CUX1: variants seen among roughly 807,000 people sequenced by gnomAD.
CUX1 encodes protein CASP.
CUX1 carries 31 observed loss-of-function variants against 158.8 expected under a neutral mutation model. That is an observed-to-expected ratio of 0.20 (90% confidence interval 0.15 to 0.26). The LOEUF is 0.26. CUX1 is among the 10% of genes least tolerant of loss of function. The probability of loss-of-function intolerance (pLI) is 1.00; values close to 1 mark genes in which losing one functional copy is unlikely to be tolerated. For synonymous variants in CUX1, 879 were observed against 862.1 expected, an observed-to-expected ratio of 1.02 and a Z score of -0.34; for missense variants, 1,589 against 2,014.6, an observed-to-expected ratio of 0.79 and a Z score of 4.04.
chr7:101,984,090 ATATATATATATATATATAT>A (rs1363186955), intron 2 of CUX1, among the ~76,000 whole-genome samples: 1 of 35,008 alleles, frequency 2.9e-5, no homozygotes, highest in Non-Finnish European at 5.0e-5. Context: ...AAAAAAAAAA[ATATATATATATATATATAT>A]ATATATATAT....
chr7:102,201,152 C>T lies in CUX1; in HGVS notation c.2063-208C>T, dbSNP rs545871835. Among the ~76,000 whole-genome samples, 3 of 151,844 alleles carry T rather than the reference C, an allele frequency of 2.0e-5. No homozygotes were observed. In the South Asian group the frequency reaches 6.2e-4, roughly 32 times the overall value. On this transcript the variant is annotated intron_variant, in intron 17 of 23. Coordinates refer to ENST00000292535, the MANE Select transcript of CUX1 (RefSeq NM_181552.4). This position sits in a 1 kb window ranked among gnomAD's most constrained non-coding sequence, Gnocchi z 5.0. ...CATCTGTGTGTATACCAAAGGCCACCAGGTCATCAAGCTGTAGTGTCAGGC... is the reference window on the plus strand; with the variant it reads ...CATCTGTGTGTATACCAAAGGCCACTAGGTCATCAAGCTGTAGTGTCAGGC...
intron 2 of CUX1, among the ~76,000 whole-genome samples, chr7:101,940,377 A>AC (rs1807560061): frequency 1.3e-5 from 2 of 151,790 alleles, no homozygotes; most frequent in Non-Finnish European, 2.9e-5. Flanking sequence ...GAAGTCCCTG[A>AC]CCCCCGCTGG....
At chr7:102,046,725 C>T (rs1822862331) in intron 3 of CUX1, among the ~76,000 whole-genome samples, 1 of 151,946 alleles carries the variant, frequency 6.6e-6, no homozygotes, top group African/African-American at 2.4e-5. Flanking sequence ...TACAGGTACA[C>T]ACCACTACAC....
At chr7:101,863,799 A>G (rs139128246) in intron 1 of CUX1, among the ~76,000 whole-genome samples, 266 of 152,306 alleles carry the variant, frequency 1.7e-3, no homozygotes, top group African/African-American at 6.2e-3. Flanking sequence ...GGAATCATAC[A>G]GTATTGTCTT....
At position 102,178,589 on chromosome 7, in the gene CUX1, C is replaced by T. The variant is rs782312716; in HGVS notation, c.949C>T (p.Arg317Trp). ...ACTCCAGGCCAGCCTCACCAAGCTG[C>T]GGGAGAATTCGGCCAGCCAGATCTC... ...QRLQASLTKL[R>W]ENSASQISQL... Residue 317 changes from arginine (R) to tryptophan (W), a missense_variant, in exon 11 of 24, where the codon CGG becomes TGG. Arg to Trp is a moderately radical substitution (Grantham distance 101). Transcript: ENST00000292535. 7 of 1,611,350 alleles carry T rather than the reference C, an allele frequency of 4.3e-6. No individual in the cohort carries two copies. Among genetic ancestry groups the T allele is most frequent in the African/African-American group, 1.3e-5 (1 of 74,866 alleles).
chr7:102,204,716 G>A (rs782467143), intron 19 of CUX1, among the ~76,000 whole-genome samples, 160 bp downstream of exon 19: 3 of 152,242 alleles, frequency 2.0e-5, no homozygotes, highest in Non-Finnish European at 4.4e-5. Flanking sequence ...GGACAGAACC[G>A]TCCCCTTCCT....
At chr7:101,970,484 C>T (rs1811817491) in intron 2 of CUX1, among the ~76,000 whole-genome samples, 1 of 152,180 alleles carries the variant, frequency 6.6e-6, no homozygotes, top group East Asian at 1.9e-4. Context: ...GATTGCAGAA[C>T]CTGAGCTCGA....
intron 16 of CUX1, chr7:102,275,218 C>A: frequency 6.5e-7 from 1 of 1,547,454 alleles, no homozygotes; most frequent in Non-Finnish European, 8.8e-7. Flanking sequence ...CTCCTGCCAC[C>A]CCCCAAGCCA....
intron 5 of CUX1, among the ~76,000 whole-genome samples, chr7:102,099,777 G>A (rs1334641823): frequency 2.6e-5 from 4 of 151,992 alleles, no homozygotes; most frequent in African/African-American, 9.7e-5. Flanking sequence ...TTTTGTTGGA[G>A]GGTGGTGCAG....
At position 101,842,941 on chromosome 7, in the gene CUX1, C is replaced by T. The variant is rs190390459; in HGVS notation, c.30+25272C>T. 1.9e-4 allele frequency among the ~76,000 whole-genome samples: 28 copies of T among 144,494 alleles called. No homozygotes were observed. In the East Asian group the frequency reaches 2.4e-3, roughly 12 times the overall value. 94.8% of individuals were successfully genotyped at this position (144,494 alleles called of 152,430 possible). On this transcript the variant is annotated intron_variant, in intron 1 of 23. Coordinates refer to ENST00000292535, the MANE Select transcript of CUX1 (RefSeq NM_181552.4). ...AGGCTGGAGTGCAGTGGCGCGATCT[C>T]GGCTCACTCCACCTCCCGGGTTCAC...
intron 4 of CUX1, among the ~76,000 whole-genome samples, chr7:102,093,534 G>A (rs1828871943): frequency 6.6e-6 from 1 of 152,088 alleles, no homozygotes; most frequent in African/African-American, 2.4e-5. Context: ...TTTGCCTGGC[G>A]GGCTTCTTTC....
At chr7:102,125,280 C>T (rs1382303890) in intron 8 of CUX1, among the ~76,000 whole-genome samples, 1 of 152,154 alleles carries the variant, frequency 6.6e-6, no homozygotes, top group Non-Finnish European at 1.5e-5. Flanking sequence ...GACGTTTGCG[C>T]TCTGGAAAGG....
rs1048516675 is a variant in CUX1 at position 102,191,350 on chromosome 7, C to A, written c.1076+1479C>A. On this transcript the variant is annotated intron_variant, in intron 12 of 23. Coordinates refer to ENST00000292535, the MANE Select transcript of CUX1 (RefSeq NM_181552.4). ...CCGAGTTCAAGCGATTCTCCTGCCT[C>A]AGCCTCACAAGTAGCTGGGATTACG... Among the ~76,000 whole-genome samples, 10 of 152,346 alleles carry A rather than the reference C, an allele frequency of 6.6e-5. No homozygotes were observed. The East Asian group carries it at 1.7e-3, about 26-fold the overall frequency.
rs1790078435 is a variant in CUX1, at chr7:102,257,901, T to TC, written c.*8859_*8860insC. On this transcript the variant is annotated 3_prime_UTR_variant, in exon 24 of 24. Transcript: ENST00000292535. ...AAAAGGAAAAAAAAAAAGTCGTCTT[T>TC]TTTTTTTTTTTTTGTACAAATCGCT... is the stretch of plus-strand genomic sequence containing the variant. The TC allele has an allele frequency of 7.1e-6, 6 of 841,874 alleles. No individual in the cohort carries two copies. The highest frequency in any genetic ancestry group is 1.8e-5 in the African/African-American group (1 of 54,566). The allele number at this position is 841,874 out of a possible 1,614,324, so 52.2% of individuals were successfully genotyped here.
intron 3 of CUX1, among the ~76,000 whole-genome samples, chr7:102,034,192 C>G (rs1369720789): frequency 9.4e-6 from 1 of 106,664 alleles, no homozygotes; most frequent in African/African-American, 3.6e-5. Flanking sequence ...TGAATAAATA[C>G]ACAGAAGTCT....
At chr7:102,152,698 T>C (rs1835823254) in intron 8 of CUX1, among the ~76,000 whole-genome samples, 1 of 152,214 alleles carries the variant, frequency 6.6e-6, no homozygotes, top group Non-Finnish European at 1.5e-5. Context: ...GGCCGACTTT[T>C]AAAATAATAA....
intron 8 of CUX1, among the ~76,000 whole-genome samples, chr7:102,118,015 T>G (rs1389657521): frequency 2.0e-5 from 3 of 152,202 alleles, no homozygotes; most frequent in Non-Finnish European, 2.9e-5. Flanking sequence ...TCTTTTAACT[T>G]TGGAGGCCAT....
Position 101,916,301 on chromosome 7 carries a change from G to A in CUX1, c.141+76G>A. On this transcript the variant is annotated intron_variant, in intron 2 of 23. Coordinates refer to ENST00000292535, the MANE Select transcript of CUX1 (RefSeq NM_181552.4). This position sits in a 1 kb window ranked among gnomAD's most constrained non-coding sequence, Gnocchi z 4.4. Reference sequence around the variant, plus strand: ...TGCATGTTCAGGCGACGCTCCGTGAGCGTTTCATTTTCATCAGATGAACGC... The same window carrying A: ...TGCATGTTCAGGCGACGCTCCGTGAACGTTTCATTTTCATCAGATGAACGC... 1 of 953,854 alleles carries A rather than the reference G, an allele frequency of 1.0e-6. No individual in the cohort carries two copies. Among genetic ancestry groups the A allele is most frequent in the Non-Finnish European group, 1.7e-6 (1 of 585,606 alleles). The allele number at this position is 953,854 out of a possible 1,614,324, so 59.1% of individuals were successfully genotyped here.
chr7:102,168,923 C>A (rs150341498), intron 9 of CUX1, among the ~76,000 whole-genome samples: 968 of 44,232 alleles, frequency 0.022, 7 homozygotes, highest in Middle Eastern at 0.037. Context: ...ATTTTCTTTT[C>A]TTTTCTTTTA....
Sources: allele counts gnomAD v4.1 joint callset (sites outside exome capture counted in the v4.1 genomes callset), GRCh38; gene constraint gnomAD v4.1.1; non-coding constraint Gnocchi (gnomAD v3.1); transcripts MANE v1.5; gene names NCBI Gene and HGNC (gene_info 2026-07-23, HGNC 2026-07-21).